CDON: variants seen among roughly 807,000 people sequenced by gnomAD.
CDON encodes cell adhesion associated, oncogene regulated, also known as cell adhesion molecule-related/down-regulated by oncogenes.
Under a neutral mutation model 120.9 loss-of-function variants are expected in CDON, and 73 were observed. The ratio of observed to expected loss-of-function variants is 0.60; its 90% CI spans 0.50 to 0.73. CDON has a LOEUF of 0.73. Ranked by LOEUF, CDON falls within the 30% of genes least tolerant of loss-of-function variation. The probability of loss-of-function intolerance (pLI) is 0.00; values close to 1 mark genes in which losing one functional copy is unlikely to be tolerated. For synonymous variants in CDON, 566 were observed against 573.5 expected, an observed-to-expected ratio of 0.99 and a Z score of 0.19; for missense variants, 1,470 against 1,587.3, an observed-to-expected ratio of 0.93 and a Z score of 1.26.
intron 1 of CDON, among the ~76,000 whole-genome samples, chr11:126,032,275 T>G (rs2134764523): frequency 6.6e-6 from 1 of 151,782 alleles, no homozygotes; most frequent in East Asian, 1.9e-4. Flanking sequence ...CTAGGTGAAA[T>G]CAGAGGGATA....
chr11:126,003,851 A>G (rs1947032436), intron 10 of CDON, 51 bp downstream of exon 10: 1 of 1,510,474 alleles, frequency 6.6e-7, no homozygotes, highest in Non-Finnish European at 9.2e-7. Context: ...CTCACTAATA[A>G]ATTGACATCA....
intron 18 of CDON, among the ~76,000 whole-genome samples, chr11:125,974,218 G>T (rs1946085839): frequency 6.6e-6 from 1 of 151,902 alleles, no homozygotes. Flanking sequence ...TTTCTTAAAA[G>T]ATATGTCTCC....
intron 1 of CDON, among the ~76,000 whole-genome samples, chr11:126,035,331 A>C (rs760300307): frequency 6.6e-6 from 1 of 152,254 alleles, no homozygotes; most frequent in Non-Finnish European, 1.5e-5. Context: ...TCTCTGCCAC[A>C]ATGACTTTTA....
At chr11:126,041,530 TCTGTA>T (rs2134837706) in intron 1 of CDON, among the ~76,000 whole-genome samples, 1 of 152,312 alleles carries the variant, frequency 6.6e-6, no homozygotes, top group South Asian at 2.1e-4. Flanking sequence ...CATATGAACT[TCTGTA>T]TAGTCAAAAT....
intron 1 of CDON, among the ~76,000 whole-genome samples, chr11:126,035,361 TAC>T (rs1948067400): frequency 1.3e-5 from 2 of 152,218 alleles, no homozygotes; most frequent in South Asian, 4.1e-4. Context: ...ACCGTCAAGT[TAC>T]GAGTTTCCTA....
intron 3 of CDON, 89 bp from the exon 4 acceptor site, chr11:126,019,854 G>T (rs1351623886): frequency 5.0e-6 from 6 of 1,192,304 alleles, no homozygotes; most frequent in Non-Finnish European, 4.8e-6. Context: ...AACAACATCT[G>T]CAGCACGGCC....
Position 125,981,970 on chromosome 11 carries a change from C to CTTTTTTTTTTTTTTTTTTTTTT in CDON, c.2996-663_2996-642dup, listed in dbSNP as rs61446837. Among the ~76,000 whole-genome samples the CTTTTTTTTTTTTTTTTTTTTTT allele has an allele frequency of 1.1e-4, 6 of 54,296 alleles. 1 individual carries two copies. Among genetic ancestry groups the CTTTTTTTTTTTTTTTTTTTTTT allele is most frequent in the African/African-American group, 4.0e-4 (5 of 12,438 alleles). The allele number at this position is 54,296 out of a possible 152,430, so 35.6% of individuals were successfully genotyped here. On this transcript the variant is annotated intron_variant, in intron 16 of 19. Transcript: ENST00000531738. Reference sequence around the variant, plus strand: ...CAAAGGCAAAAAGTGATTCTATTTTCTTTTTTTTTTTTTTTTTTTTTTTTT... The same window carrying CTTTTTTTTTTTTTTTTTTTTTT: ...CAAAGGCAAAAAGTGATTCTATTTTCTTTTTTTTTTTTTTTTTTTTTTTTTTTTTTTTTTTTTTTTTTTTTTT...
In CDON at chr11:125,960,887, T is replaced by C. The variant is rs369970579; in HGVS notation, c.*55A>G. The C allele has an allele frequency of 2.3e-5, 36 of 1,534,768 alleles. No individual in the cohort carries two copies. The highest frequency in any genetic ancestry group is 4.1e-4 in the Middle Eastern group (2 of 4,848). On this transcript the variant is annotated 3_prime_UTR_variant, in exon 20 of 20. Coordinates refer to ENST00000531738, the MANE Select transcript of CDON (RefSeq NM_001378964.1). ...CCTTCACACAGTTCGCTCCCAGGCC[T>C]GTTGTGTGCAGTTACCGGCTTGAAG...
At position 126,015,255 on chromosome 11, in the gene CDON, A is replaced by T; in HGVS notation, c.1184T>A (p.Leu395His). The T allele has an allele frequency of 6.2e-7, 1 of 1,613,906 alleles. No homozygotes were observed. The highest frequency in any genetic ancestry group is 8.5e-7 in the Non-Finnish European group (1 of 1,179,780). ...GIGFMHSTGR[L>H]EIENDGGFKP... ...TAAAAGCCTACCATTTTCAATTTCA[A>T]GTCTTCCAGTAGAGTGCATAAATCC... Residue 395 changes from leucine to histidine, a missense_variant, in exon 7 of 20, where the codon CTT becomes CAT. Physicochemically the swap from Leu to His is moderately conservative, Grantham distance 99. Transcript: ENST00000531738.
chr11:125,986,027 T>G (rs182000465), intron 15 of CDON, among the ~76,000 whole-genome samples: 1 of 152,340 alleles, frequency 6.6e-6, no homozygotes, highest in Non-Finnish European at 1.5e-5. Context: ...GTATGTTTAG[T>G]GCGGCACTAT....
intron 1 of CDON, among the ~76,000 whole-genome samples, chr11:126,044,059 G>GA (rs1948336945): frequency 6.6e-6 from 1 of 152,178 alleles, no homozygotes; most frequent in Non-Finnish European, 1.5e-5. Context: ...AACAAAGTTT[G>GA]AAACAGGTAA....
intron 1 of CDON, among the ~76,000 whole-genome samples, chr11:126,040,814 CAAAAAAAAAAAAAA>C (rs71048763): frequency 0.039 from 1,777 of 45,024 alleles, 76 homozygotes; most frequent in African/African-American, 0.13. Flanking sequence ...GACTCCGTCT[CAAAAAAAAAAAAAA>C]AAAAAAAAAA....
At chr11:126,004,254 T>G in intron 9 of CDON, 178 bp from the exon 10 acceptor site, 1 of 686,926 alleles carries the variant, frequency 1.5e-6, no homozygotes, top group Non-Finnish European at 2.5e-6. Flanking sequence ...GAAGATCTGC[T>G]GCAAGAACGC....
intron 1 of CDON, among the ~76,000 whole-genome samples, chr11:126,037,827 A>G (rs1441560353): frequency 1.3e-5 from 2 of 152,224 alleles, no homozygotes; most frequent in Admixed American, 6.5e-5. Flanking sequence ...AAAAGGAAAA[A>G]AAACTCCACA....
At chr11:126,027,018 G>C (rs563637433) in intron 1 of CDON, among the ~76,000 whole-genome samples, 1 of 152,280 alleles carries the variant, frequency 6.6e-6, no homozygotes, top group African/African-American at 2.4e-5. Flanking sequence ...GCTCATTACA[G>C]CTACCTAAAT....
Position 126,023,538 on chromosome 11 carries a change from C to G in CDON, c.-61-1G>C. ...AGAGCAAAACCCAGTCCTTGGTTCA[C>G]TAAAAAAGAAAAAGGAAAGAAAATC... is the stretch of plus-strand genomic sequence containing the variant. On this transcript the variant is annotated splice_acceptor_variant, in intron 1 of 19. Coordinates refer to ENST00000531738, the MANE Select transcript of CDON (RefSeq NM_001378964.1). LOFTEE classifies it low-confidence loss of function (5UTR_SPLICE). 1 of 1,194,692 alleles carries G rather than the reference C, an allele frequency of 8.4e-7. No individual in the cohort carries two copies. The highest frequency in any genetic ancestry group is 1.3e-6 in the Non-Finnish European group (1 of 798,472). The allele number at this position is 1,194,692 out of a possible 1,614,324, so 74.0% of individuals were successfully genotyped here.
chr11:125,985,482 T>C (rs1946435891), intron 15 of CDON, among the ~76,000 whole-genome samples: 1 of 152,148 alleles, frequency 6.6e-6, no homozygotes, highest in African/African-American at 2.4e-5. Context: ...GCCTAGCTAG[T>C]TTTTACATTT....
At chr11:126,003,878 C>A in intron 10 of CDON, 24 bp downstream of exon 10, 2 of 1,609,582 alleles carry the variant, frequency 1.2e-6, no homozygotes, top group South Asian at 1.1e-5. Context: ...CCAGCTCATT[C>A]CTCCAAAGGA....
chr11:125,964,717 C>G (rs1945741158), intron 18 of CDON, among the ~76,000 whole-genome samples: 1 of 152,082 alleles, frequency 6.6e-6, no homozygotes, highest in African/African-American at 2.4e-5. Flanking sequence ...GTGTGGCTGA[C>G]AAGAATAGGG....
Sources: gnomAD v4.1 joint callset for allele counts (sites outside exome capture counted in the v4.1 genomes callset) on GRCh38, gnomAD v4.1.1 for gene constraint, MANE v1.5 for transcripts, NCBI Gene and HGNC (gene_info 2026-07-23, HGNC 2026-07-21) for gene names.